Variants in CNTLN observed in about 807,000 individuals in gnomAD.
CNTLN encodes centlein, centrosomal protein.
In CNTLN, 212 loss-of-function variants were observed where a neutral mutation model predicts 180.0. That is an observed-to-expected ratio of 1.18 (90% CI 1.05 to 1.32). The LOEUF is 1.32. Among genes scored for constraint, CNTLN ranks in the 40% most tolerant of loss-of-function variants. The pLI is 0.00. For missense variants in CNTLN, 2,095 were observed against 1,610.9 expected, an observed-to-expected ratio of 1.30 and a Z score of -5.14; for synonymous variants, 722 against 563.1, an observed-to-expected ratio of 1.28 and a Z score of -3.99.
chr9:17,151,014 T>C (rs1368337653), intron 2 of CNTLN, among the ~76,000 whole-genome samples: 1 of 152,202 alleles, frequency 6.6e-6, no homozygotes, highest in Non-Finnish European at 1.5e-5. Flanking sequence ...GAGACTTTGC[T>C]GAAGTTGCTT....
chr9:17,266,340 G>T (rs1444303941), intron 5 of CNTLN, among the ~76,000 whole-genome samples: 1 of 152,170 alleles, frequency 6.6e-6, no homozygotes, highest in African/African-American at 2.4e-5. Flanking sequence ...CCATGTAGTT[G>T]AGTGGTTTTG....
downstream of CNTLN, among the ~76,000 whole-genome samples, chr9:17,505,469 T>C (rs919704989): frequency 4.6e-5 from 7 of 152,142 alleles, no homozygotes; most frequent in Non-Finnish European, 1.0e-4. Context: ...GGAAAGATTG[T>C]GTTTCTATAC....
chr9:17,326,585 A>G (rs993907634), intron 8 of CNTLN, among the ~76,000 whole-genome samples: 2 of 152,174 alleles, frequency 1.3e-5, no homozygotes, highest in Non-Finnish European at 1.5e-5. Flanking sequence ...AGCAAGTAAA[A>G]AAGTACAGTA....
chr9:17,368,041 T>A (rs755127328), intron 13 of CNTLN, among the ~76,000 whole-genome samples: 31 of 152,230 alleles, frequency 2.0e-4, no homozygotes, highest in Non-Finnish European at 3.7e-4. Context: ...CCAAGCAGCT[T>A]GTGGGGTCAT....
At chr9:17,230,841 C>T (rs555419112) in intron 3 of CNTLN, among the ~76,000 whole-genome samples, 1 of 152,088 alleles carries the variant, frequency 6.6e-6, no homozygotes, top group Admixed American at 6.6e-5. Context: ...CTGCTTGCCC[C>T]CTTCCCCCAA....
chr9:17,164,457 GTTTTTTTTT>G (rs772109564), intron 2 of CNTLN, among the ~76,000 whole-genome samples: 2 of 68,456 alleles, frequency 2.9e-5, no homozygotes, highest in East Asian at 5.5e-4. Flanking sequence ...TTATTTTTAT[GTTTTTTTTT>G]TTTTTTTTTT....
At chr9:17,225,611 A>G (rs1157607009) in intron 2 of CNTLN, among the ~76,000 whole-genome samples, 2 of 151,924 alleles carry the variant, frequency 1.3e-5, no homozygotes, top group Admixed American at 6.6e-5. Context: ...CCTTTGCTTT[A>G]TAAAGCTATA....
intron 5 of CNTLN, among the ~76,000 whole-genome samples, chr9:17,259,979 G>T (rs1451333074): frequency 2.2e-5 from 3 of 137,850 alleles, no homozygotes; most frequent in Non-Finnish European, 4.6e-5. Flanking sequence ...ATTTCCTTCA[G>T]TTCAGCTCTG....
chr9:17,277,673 A>G (rs567106476), intron 6 of CNTLN, among the ~76,000 whole-genome samples: 3 of 152,280 alleles, frequency 2.0e-5, no homozygotes, highest in African/African-American at 4.8e-5. Context: ...TAATAAGTTT[A>G]TCATGCTTGG....
chr9:17,488,786 C>T (rs978315617), intron 25 of CNTLN, among the ~76,000 whole-genome samples: 1 of 152,004 alleles, frequency 6.6e-6, no homozygotes, highest in Non-Finnish European at 1.5e-5. Context: ...AATATAATTG[C>T]CAGGCAGTAT....
chr9:17,360,456 G>A (rs1823279366), intron 12 of CNTLN, among the ~76,000 whole-genome samples: 1 of 152,168 alleles, frequency 6.6e-6, no homozygotes, highest in Non-Finnish European at 1.5e-5. Flanking sequence ...TCAGGATTTT[G>A]ATTGAAGACA....
intron 2 of CNTLN, among the ~76,000 whole-genome samples, chr9:17,185,646 T>C (rs1335846311): frequency 6.6e-6 from 1 of 152,160 alleles, no homozygotes; most frequent in Non-Finnish European, 1.5e-5. Context: ...TTGAAGAGGT[T>C]TCAGAGACCA....
intron 2 of CNTLN, among the ~76,000 whole-genome samples, chr9:17,169,567 G>T (rs897329548): frequency 1.3e-5 from 2 of 151,932 alleles, no homozygotes; most frequent in African/African-American, 2.4e-5. Flanking sequence ...ATTTTGAGTT[G>T]ATTTTTGTGT....
intron 10 of CNTLN, among the ~76,000 whole-genome samples, chr9:17,338,355 T>TTTTTTTTA (rs1554691993): frequency 7.5e-5 from 11 of 147,572 alleles, no homozygotes; most frequent in African/African-American, 2.5e-4. Context: ...TTTTTTTTTT[T>TTTTTTTTA]AGAGATGGGG....
chr9:17,203,644 C>T (rs1163913260), intron 2 of CNTLN, among the ~76,000 whole-genome samples: 1 of 152,144 alleles, frequency 6.6e-6, no homozygotes. Flanking sequence ...GCAAGCTCCA[C>T]CTCCCGTGTT....
chr9:17,528,484 C>T, the CNTLN span, among the ~76,000 whole-genome samples: 1 of 152,202 alleles, frequency 6.6e-6, no homozygotes, highest in Non-Finnish European at 1.5e-5. Context: ...TCATCAAAAA[C>T]GTCTGAGAAA....
the CNTLN span, among the ~76,000 whole-genome samples, chr9:17,517,802 T>C: frequency 2.0e-3 from 307 of 152,166 alleles, 1 homozygote; most frequent in African/African-American, 7.2e-3. Flanking sequence ...CAGCTTGTGG[T>C]CATTGGTTAT....
At chr9:17,213,736 G>A (rs951497030) in intron 2 of CNTLN, among the ~76,000 whole-genome samples, 2 of 152,104 alleles carry the variant, frequency 1.3e-5, no homozygotes, top group African/African-American at 4.8e-5. Flanking sequence ...GAATCTGGGT[G>A]CTCCTGTATT....
intron 23 of CNTLN, among the ~76,000 whole-genome samples, chr9:17,470,655 C>T (rs1832003901): frequency 6.6e-6 from 1 of 151,840 alleles, no homozygotes; most frequent in Non-Finnish European, 1.5e-5. Flanking sequence ...CTGAATAAAA[C>T]ACACAAGGGA....
Sources: allele counts gnomAD v4.1 joint callset (sites outside exome capture counted in the v4.1 genomes callset), GRCh38; gene constraint gnomAD v4.1.1; transcripts MANE v1.5; gene names NCBI Gene and HGNC (gene_info 2026-07-23, HGNC 2026-07-21).